The following SCTR variants were observed in gnomAD, a reference collection of about 807,000 sequenced individuals.
SCTR encodes the protein pancreatic secretin receptor.
In SCTR, 56 loss-of-function variants were observed where a neutral mutation model predicts 60.8. The ratio of observed to expected loss-of-function variants is 0.92; its 90% CI spans 0.74 to 1.15. The LOEUF (loss-of-function observed/expected upper bound fraction) is 1.15. Ranked by LOEUF, SCTR falls within the 50% of genes most tolerant of loss-of-function variation. The probability of loss-of-function intolerance (pLI) is 0.00; values close to 1 mark genes in which losing one functional copy is unlikely to be tolerated. For missense variants in SCTR, 562 were observed against 550.4 expected (o/e 1.02, Z -0.21); for synonymous variants, 202 against 217.0 (o/e 0.93, Z 0.61).
chr2:119,523,392 CTATTATTATTATTAT>C (rs70947300), intron 1 of SCTR, among the ~76,000 whole-genome samples: 226 of 134,252 alleles, frequency 1.7e-3, no homozygotes, highest in African/African-American at 3.2e-3. Context: ...CATCCTGCCG[CTATTATTATTATTAT>C]TATTATTATT....
At chr2:119,457,090 T>C (rs1301854463) in intron 7 of SCTR, among the ~76,000 whole-genome samples, 1 of 152,184 alleles carries the variant, frequency 6.6e-6, no homozygotes, top group East Asian at 1.9e-4. Flanking sequence ...TTTGTTAAGA[T>C]AGCCTTAGGA....
rs557054834 is a variant in SCTR, at chr2:119,462,781, G to A, written c.637-781C>T. 1.0e-3 allele frequency among the ~76,000 whole-genome samples: 152 copies of A among 152,340 alleles called. 1 individual carries two copies. Among genetic ancestry groups the A allele is most frequent in the African/African-American group, 3.6e-3 (149 of 41,586 alleles). ...AAAGACAAGCCCGAGAAGGAGGAGC[G>A]CCCGGTGCTGCCTGGGGACAGTGGT... On this transcript the variant is annotated intron_variant, in intron 6 of 12. Coordinates refer to ENST00000019103, the MANE Select transcript of SCTR (RefSeq NM_002980.3).
chr2:119,471,281 T>C (rs905041081), intron 4 of SCTR, among the ~76,000 whole-genome samples: 1 of 152,236 alleles, frequency 6.6e-6, no homozygotes, highest in Non-Finnish European at 1.5e-5. Flanking sequence ...TTATGGATTT[T>C]ACAAATTTGA....
intron 1 of SCTR, among the ~76,000 whole-genome samples, chr2:119,496,335 A>G (rs1026527772): frequency 6.6e-6 from 1 of 152,242 alleles, no homozygotes; most frequent in Non-Finnish European, 1.5e-5. Context: ...GGTAAGTGTC[A>G]CAGAAATGTT....
At chr2:119,478,678 A>C in intron 3 of SCTR, 133 bp downstream of exon 3, 1 of 745,542 alleles carries the variant, frequency 1.3e-6, no homozygotes, top group South Asian at 1.9e-5. Context: ...AATCCTTTGC[A>C]GTGATCTCCC....
chr2:119,446,082 C>T (rs1682915055), intron 11 of SCTR, among the ~76,000 whole-genome samples: 1 of 152,222 alleles, frequency 6.6e-6, no homozygotes, highest in African/African-American at 2.4e-5. Flanking sequence ...TTTAAGTTCA[C>T]AGCATCTTGT....
intron 1 of SCTR, among the ~76,000 whole-genome samples, chr2:119,523,527 C>T (rs919287507): frequency 6.6e-6 from 1 of 151,766 alleles, no homozygotes; most frequent in African/African-American, 2.4e-5. Flanking sequence ...TAGGGAGCCG[C>T]ATCCCACACG....
chr2:119,513,351 G>A (rs1679015918), intron 1 of SCTR, among the ~76,000 whole-genome samples: 1 of 152,136 alleles, frequency 6.6e-6, no homozygotes, highest in Admixed American at 6.5e-5. Context: ...AGACAGAGCA[G>A]ATAAATATAT....
chr2:119,523,714 T>TC (rs1372596417), intron 1 of SCTR, among the ~76,000 whole-genome samples: 2 of 151,862 alleles, frequency 1.3e-5, no homozygotes, highest in Admixed American at 1.3e-4. Flanking sequence ...GAATTTTTAT[T>TC]CCCCCTCTCC....
chr2:119,449,432 C>T (rs528484465), intron 9 of SCTR, among the ~76,000 whole-genome samples: 1 of 152,130 alleles, frequency 6.6e-6, no homozygotes, highest in South Asian at 2.1e-4. Context: ...TTCTTGCGAA[C>T]TATGATTGGA....
chr2:119,457,660 C>G (rs766907515), intron 7 of SCTR, among the ~76,000 whole-genome samples: 1 of 151,794 alleles, frequency 6.6e-6, no homozygotes, highest in African/African-American at 2.4e-5. Context: ...TTGCAGTGGG[C>G]TGTGATTGAA....
chr2:119,441,006 G>A (rs972296501), intron 12 of SCTR, among the ~76,000 whole-genome samples: 6 of 152,156 alleles, frequency 3.9e-5, no homozygotes, highest in African/African-American at 1.4e-4. Context: ...CAGAGCCTGG[G>A]GTCCTGACCC....
intron 1 of SCTR, among the ~76,000 whole-genome samples, chr2:119,501,379 C>T (rs1678545871): frequency 6.6e-6 from 1 of 151,306 alleles, no homozygotes. Flanking sequence ...CACTGCACTC[C>T]AGCCTGAACA....
At chr2:119,447,340 ATCTGAATT>A (rs1682972436) in intron 10 of SCTR, among the ~76,000 whole-genome samples, 1 of 152,212 alleles carries the variant, frequency 6.6e-6, no homozygotes, top group African/African-American at 2.4e-5. Flanking sequence ...CCCCAGTTAA[ATCTGAATT>A]TCAGATAAAC....
intron 2 of SCTR, among the ~76,000 whole-genome samples, chr2:119,494,194 C>T (rs1305836310): frequency 2.6e-5 from 4 of 152,132 alleles, no homozygotes; most frequent in South Asian, 2.1e-4. Flanking sequence ...AGGAAAACAC[C>T]GGCTATGTTT....
At chr2:119,450,945 A>G (rs1392045813) in intron 9 of SCTR, among the ~76,000 whole-genome samples, 2 of 152,268 alleles carry the variant, frequency 1.3e-5, no homozygotes, top group African/African-American at 4.8e-5. Context: ...CCTGGGTGAC[A>G]GAGTGAGACC....
intron 1 of SCTR, among the ~76,000 whole-genome samples, chr2:119,514,176 T>C (rs1312618869): frequency 1.3e-5 from 2 of 152,210 alleles, no homozygotes; most frequent in Non-Finnish European, 2.9e-5. Flanking sequence ...TGTTTTGAGG[T>C]GTCTGCTTAG....
chr2:119,446,258 T>G (rs540572295), intron 11 of SCTR, among the ~76,000 whole-genome samples: 1 of 152,302 alleles, frequency 6.6e-6, no homozygotes, highest in African/African-American at 2.4e-5. Context: ...CACATGCGAC[T>G]GCTCCTTGAA....
rs373965226 is a variant in SCTR at position 119,509,770 on chromosome 2, G to A, written c.72+14385C>T. On this transcript the variant is annotated intron_variant, in intron 1 of 12. Coordinates refer to ENST00000019103, the MANE Select transcript of SCTR (RefSeq NM_002980.3). ...CCCCAGTATCCATTTCCATTACCCC[G>A]AACAGAAGCTCTGAACTCATCATTT... Among the ~76,000 whole-genome samples the A allele has an allele frequency of 3.6e-4, 55 of 151,828 alleles. 3 individuals carry two copies. Among genetic ancestry groups the A allele is most frequent in the East Asian group, 2.5e-3 (13 of 5,170 alleles).
Sources: allele counts gnomAD v4.1 joint callset (sites outside exome capture counted in the v4.1 genomes callset), GRCh38; gene constraint gnomAD v4.1.1; transcripts MANE v1.5; gene names NCBI Gene and HGNC (gene_info 2026-07-23, HGNC 2026-07-21).